SYNE1: variants seen among roughly 807,000 people sequenced by gnomAD.
The protein encoded by SYNE1 is nesprin-1.
SYNE1 carries 616 observed loss-of-function variants against 1,111.0 expected under a neutral mutation model. The observed-to-expected ratio is 0.55, with a 90% CI of 0.52 to 0.59. SYNE1 has a LOEUF of 0.59. SYNE1 is among the 20% of genes least tolerant of loss of function. The pLI, the probability that SYNE1 is intolerant of heterozygous loss-of-function variation, is 0.00. For synonymous variants in SYNE1, 3,855 were observed against 3,825.8 expected, an observed-to-expected ratio of 1.01 and a Z score of -0.28; for missense variants, 10,006 against 10,417.0, an observed-to-expected ratio of 0.96 and a Z score of 1.72.
Position 152,628,540 on chromosome 6 carries a change from C to T in SYNE1, c.-209G>A. On this transcript the variant is annotated 5_prime_UTR_variant, in exon 3 of 146. The change abolishes an upstream ATG in the 5' untranslated region. Transcript: ENST00000367255. ...CTTCCGTTTTAAGACTGTCCTCTTACATGAACTCAAGAACCTGAAAAACAA... is the reference window on the plus strand; with the variant it reads ...CTTCCGTTTTAAGACTGTCCTCTTATATGAACTCAAGAACCTGAAAAACAA... 3.4e-6 allele frequency: 2 copies of T among 583,956 alleles called. No homozygotes were observed. The highest frequency in any genetic ancestry group is 2.2e-5 in the South Asian group (1 of 46,208). 36.2% of individuals were successfully genotyped at this position (583,956 alleles called of 1,614,324 possible).
intron 98 of SYNE1, chr6:152,277,357 A>G (rs2093712133): frequency 7.0e-6 from 1 of 143,784 alleles, no homozygotes; most frequent in Non-Finnish European, 1.5e-5. Flanking sequence ...GGCTCACTGA[A>G]ATCTCCACCT....
At position 152,427,801 on chromosome 6, in the gene SYNE1, T is replaced by A; in HGVS notation, c.4992A>T (p.Leu1664=). 1.9e-6 allele frequency: 3 copies of A among 1,614,128 alleles called. No homozygotes were observed. The highest frequency in any genetic ancestry group is 2.5e-6 in the Non-Finnish European group (3 of 1,180,030). The change falls in exon 38 of 146, where the codon CTA becomes CTT. Residue 1664 remains leucine (L), a synonymous_variant. Coordinates refer to ENST00000367255, the MANE Select transcript of SYNE1 (RefSeq NM_182961.4). ...GCTCTAACCAGGTCAAAAAGGATGA[T>A]AGTTCTTTCTCTAGCCTAAAGGAAG... ...LAHWQRLEKE[L]SSFLTWLERG... is the part of the protein sequence containing the mutation.
rs1246040868 is a variant in SYNE1, at chr6:152,385,830, C to T, written c.8496G>A (p.Met2832Ile). 16 of 1,614,028 alleles carry T rather than the reference C, an allele frequency of 9.9e-6. No homozygotes were observed. The highest frequency in any genetic ancestry group is 1.4e-5 in the Non-Finnish European group (16 of 1,179,952). ...CTTTCACAATCTCTTCCACTTTCCT[C>T]ATTTTTTCCTAGTAAACAAAGAAAA... ...NDIMTVAKEKMRKVEEIVKDH... is the reference protein window; with the variant it reads ...NDIMTVAKEKIRKVEEIVKDH... The change falls in exon 55 of 146, where the codon ATG becomes ATA. Residue 2832 changes from methionine to isoleucine, a missense_variant. Met to Ile is a conservative substitution (Grantham distance 10). This residue lies in a region of SYNE1 where 4,955 missense variants were observed against 5,017.2 expected (regional missense o/e 0.99). Transcript: ENST00000367255.
rs759452583 is a variant in SYNE1, at chr6:152,155,077, T to C, written c.23979-35A>G. On this transcript the variant is annotated intron_variant, in intron 132 of 145. Coordinates refer to ENST00000367255, the MANE Select transcript of SYNE1 (RefSeq NM_182961.4). Reference sequence around the variant, plus strand: ...AAAATGAAAGAACAGATTCAGATTATTGGAGACTGTTTTCGCTCCAGAACC... The same window carrying C: ...AAAATGAAAGAACAGATTCAGATTACTGGAGACTGTTTTCGCTCCAGAACC... 8.7e-6 allele frequency: 14 copies of C among 1,613,664 alleles called. No individual in the cohort carries two copies. In the South Asian group the frequency reaches 8.8e-5, roughly 10 times the overall value.
chr6:152,599,516 T>A (rs2128625233), intron 3 of SYNE1, among the ~76,000 whole-genome samples: 1 of 152,316 alleles, frequency 6.6e-6, no homozygotes, highest in South Asian at 2.1e-4. Context: ...CTGTGGACAC[T>A]CTGTCTACAA....
chr6:152,514,704 T>C (rs1359462018), intron 6 of SYNE1, among the ~76,000 whole-genome samples: 2 of 149,938 alleles, frequency 1.3e-5, no homozygotes, highest in East Asian at 3.9e-4. Flanking sequence ...TCTTCCTCTC[T>C]ACACTCACAC....
rs1426731795 is a variant in SYNE1 at position 152,362,289 on chromosome 6, A to G, written c.10180T>C (p.Tyr3394His). 1 of 1,614,098 alleles carries G rather than the reference A, an allele frequency of 6.2e-7. No individual in the cohort carries two copies. Among genetic ancestry groups the G allele is most frequent in the African/African-American group, 1.3e-5 (1 of 74,936 alleles). ...LEGALSKWTS[Y>H]QDGVRQFSGW... The stretch of plus-strand genomic sequence containing the variant: ...GAGAACTGTCGAACGCCATCCTGAT[A>G]ACTTGTCCACTTGGAGAGAGCTCCT... Residue 3394 changes from tyrosine (Y) to histidine (H), a missense_variant, in exon 64 of 146, where the codon TAT becomes CAT. Tyr to His is a moderately conservative substitution (Grantham distance 83). Coordinates refer to ENST00000367255, the MANE Select transcript of SYNE1 (RefSeq NM_182961.4).
At chr6:152,358,683 A>G in intron 65 of SYNE1, 146 bp from the exon 66 acceptor site, 3 of 791,746 alleles carry the variant, frequency 3.8e-6, no homozygotes, top group African/African-American at 3.5e-5. Context: ...TGAATCTTCA[A>G]TATTTATGTA....
chr6:152,124,198 T>C (rs930450461), intron 145 of SYNE1, among the ~76,000 whole-genome samples: 15 of 152,038 alleles, frequency 9.9e-5, no homozygotes, highest in Non-Finnish European at 2.1e-4. Flanking sequence ...CCCAGTCACT[T>C]GGGAGGCTGA....
intron 130 of SYNE1, among the ~76,000 whole-genome samples, chr6:152,165,788 T>C (rs1251575354): frequency 6.6e-6 from 1 of 152,214 alleles, no homozygotes; most frequent in African/African-American, 2.4e-5. Flanking sequence ...ATTTCTCTCA[T>C]GGCTAAGACA....
At position 152,425,533 on chromosome 6, in the gene SYNE1, T is replaced by C; in HGVS notation, c.5115A>G (p.Glu1705=). 6.2e-7 allele frequency: 1 copy of C among 1,614,144 alleles called. No individual in the cohort carries two copies. The highest frequency in any genetic ancestry group is 8.5e-7 in the Non-Finnish European group (1 of 1,180,010). ...ELQLIQALQN[E]VVSQASFYSK... ...TATAGAATGAGGCCTGGGATACAAC[T>C]TCATTTTGCAGTGCCTGAAAAATAC... The change falls in exon 39 of 146, where the codon GAA becomes GAG. Residue 1705 remains glutamate (E), a synonymous_variant. Transcript: ENST00000367255.
chr6:152,450,292 T>G (rs1480677162), intron 27 of SYNE1, among the ~76,000 whole-genome samples: 1 of 152,224 alleles, frequency 6.6e-6, no homozygotes, highest in African/African-American at 2.4e-5. Flanking sequence ...CCAGCCATGC[T>G]GATCTGTGAG....
intron 111 of SYNE1, 33 bp downstream of exon 111, chr6:152,234,635 C>T: frequency 6.2e-7 from 1 of 1,613,760 alleles, no homozygotes; most frequent in Non-Finnish European, 8.5e-7. Flanking sequence ...AACTTATAGG[C>T]CTGAATCAAA....
At chr6:152,263,261 A>G (rs1313864280) in intron 100 of SYNE1, among the ~76,000 whole-genome samples, 1 of 151,840 alleles carries the variant, frequency 6.6e-6, no homozygotes, top group Non-Finnish European at 1.5e-5. Flanking sequence ...GGACACAGAG[A>G]GACAGTACAG....
At chr6:152,514,420 T>C (rs1281878817) in intron 6 of SYNE1, among the ~76,000 whole-genome samples, 2 of 150,994 alleles carry the variant, frequency 1.3e-5, no homozygotes, top group Non-Finnish European at 3.0e-5. Context: ...TAAGTGGGAG[T>C]TGAACAATGA....
At chr6:152,138,455 G>A (rs1167337606) in intron 140 of SYNE1, among the ~76,000 whole-genome samples, 2 of 151,690 alleles carry the variant, frequency 1.3e-5, no homozygotes, top group East Asian at 1.9e-4. Context: ...AGGTTACAGT[G>A]AGCCAAGATC....
Position 152,122,353 on chromosome 6 carries a change from G to C in SYNE1, c.*83C>G. 6.2e-7 allele frequency: 1 copy of C among 1,609,970 alleles called. No individual in the cohort carries two copies. Among genetic ancestry groups the C allele is most frequent in the South Asian group, 1.1e-5 (1 of 90,704 alleles). The stretch of plus-strand genomic sequence containing the variant: ...ACCGAGGGCTTTCGCCAAGATCAAG[G>C]TCCTCTTGTTGGTAGTTTGGGATTG... On this transcript the variant is annotated 3_prime_UTR_variant, in exon 146 of 146. Transcript: ENST00000367255.
At chr6:152,469,180 C>T (rs779342848) in intron 16 of SYNE1, among the ~76,000 whole-genome samples, 3 of 152,112 alleles carry the variant, frequency 2.0e-5, no homozygotes, top group Non-Finnish European at 2.9e-5. Flanking sequence ...TTTTCAGCCT[C>T]TTTGAAATAG....
chr6:152,621,521 T>C (rs1193816712), intron 3 of SYNE1, among the ~76,000 whole-genome samples: 1 of 151,990 alleles, frequency 6.6e-6, no homozygotes, highest in African/African-American at 2.4e-5. Flanking sequence ...ACATATATAA[T>C]TTTTGAATTG....
Sources: allele counts gnomAD v4.1 joint callset (sites outside exome capture counted in the v4.1 genomes callset), GRCh38; gene constraint gnomAD v4.1.1; regional missense constraint gnomAD v4.1.1; transcripts MANE v1.5; gene names NCBI Gene and HGNC (gene_info 2026-07-23, HGNC 2026-07-21).